GRM5: variants seen among roughly 807,000 people sequenced by gnomAD.
The protein encoded by GRM5 is metabotropic glutamate receptor 5.
GRM5 carries 19 observed loss-of-function variants against 83.1 expected under a neutral mutation model. The observed-to-expected ratio is 0.23, with a 90% CI of 0.16 to 0.34. The LOEUF is 0.34. Among genes scored for constraint, GRM5 ranks in the 10% least tolerant of loss-of-function variants. The pLI, the probability that GRM5 is intolerant of heterozygous loss-of-function variation, is 1.00. For missense variants in GRM5, 1,160 were observed against 1,588.3 expected (o/e 0.73, Z 4.58); for synonymous variants, 675 against 633.6 (o/e 1.07, Z -0.98).
intron 3 of GRM5, among the ~76,000 whole-genome samples, chr11:88,833,975 C>T (rs974773623): frequency 6.6e-6 from 1 of 151,798 alleles, no homozygotes; most frequent in Non-Finnish European, 1.5e-5. Context: ...ATGGGTAGGG[C>T]GTAAATAAGA....
chr11:88,861,560 G>T (rs532173977), intron 2 of GRM5, among the ~76,000 whole-genome samples: 1 of 152,174 alleles, frequency 6.6e-6, no homozygotes, highest in Non-Finnish European at 1.5e-5. Flanking sequence ...CAACTTTCCA[G>T]GCTCAAGTGA....
At chr11:88,673,443 G>A (rs138255548) in intron 3 of GRM5, among the ~76,000 whole-genome samples, 5 of 151,896 alleles carry the variant, frequency 3.3e-5, no homozygotes, top group East Asian at 1.9e-4. Flanking sequence ...ACTTTGAAAC[G>A]CTTGTGAAAC....
chr11:88,741,441 T>A (rs1942026810), intron 3 of GRM5, among the ~76,000 whole-genome samples: 1 of 152,088 alleles, frequency 6.6e-6, no homozygotes, highest in African/African-American at 2.4e-5. Flanking sequence ...TCTGACATTC[T>A]TATTGCTTCT....
Position 88,621,196 on chromosome 11 carries a change from T to C in GRM5, c.1148-16232A>G, listed in dbSNP as rs57700751. Among the ~76,000 whole-genome samples the C allele has an allele frequency of 9.0e-3, 1,369 of 152,350 alleles. 16 individuals are homozygous for C. The highest frequency in any genetic ancestry group is 0.066 in the East Asian group (345 of 5,194). ...AACCATAGCATTAGAGTCTTCTTAC[T>C]ATACTAAGATCAAACTCCTAGACCA... On this transcript the variant is annotated intron_variant, in intron 4 of 9. Transcript: ENST00000305447.
At chr11:88,709,877 A>G (rs1941244798) in intron 3 of GRM5, among the ~76,000 whole-genome samples, 1 of 152,156 alleles carries the variant, frequency 6.6e-6, no homozygotes, top group Non-Finnish European at 1.5e-5. Context: ...ATAGGAAACA[A>G]CTGTGCCACT....
chr11:88,767,649 G>A lies in GRM5; in HGVS notation c.911+82257C>T, dbSNP rs962921892. Among the ~76,000 whole-genome samples, 11 of 151,986 alleles carry A rather than the reference G, an allele frequency of 7.2e-5. No homozygotes were observed. The Middle Eastern group carries it at 0.01, about 141-fold the overall frequency. On this transcript the variant is annotated intron_variant, in intron 3 of 9. Coordinates refer to ENST00000305447, the MANE Select transcript of GRM5 (RefSeq NM_001143831.3). ...CAAGAACACATGGATACTAGGAGGC[G>A]AACAACGGACATTGGGACCTACTTG...
At position 88,707,213 on chromosome 11, in the gene GRM5, A is replaced by T. The variant is rs1322117561; in HGVS notation, c.912-53810T>A. 6.6e-5 allele frequency among the ~76,000 whole-genome samples: 10 copies of T among 152,110 alleles called. 1 individual carries two copies. Among genetic ancestry groups the T allele is most frequent in the Admixed American group, 3.3e-4 (5 of 15,244 alleles). On this transcript the variant is annotated intron_variant, in intron 3 of 9. Coordinates refer to ENST00000305447, the MANE Select transcript of GRM5 (RefSeq NM_001143831.3). ...TACTTAACTGTGCTTCAGTTTCTTT[A>T]TCTGTAAAATATTACAGTAGCTATC...
chr11:88,678,852 TC>T (rs1188468992), intron 3 of GRM5, among the ~76,000 whole-genome samples: 1 of 151,146 alleles, frequency 6.6e-6, no homozygotes, highest in East Asian at 1.9e-4. Flanking sequence ...TAAATCAATA[TC>T]CCAGGAAGAA....
At chr11:88,814,383 C>A (rs1943634655) in intron 3 of GRM5, among the ~76,000 whole-genome samples, 1 of 152,078 alleles carries the variant, frequency 6.6e-6, no homozygotes, top group African/African-American at 2.4e-5. Context: ...TTTATCAGTA[C>A]CTGAATGTGA....
At chr11:88,675,422 TA>T (rs1940303325) in intron 3 of GRM5, among the ~76,000 whole-genome samples, 1 of 151,886 alleles carries the variant, frequency 6.6e-6, no homozygotes, top group Non-Finnish European at 1.5e-5. Flanking sequence ...TTTAAATGAG[TA>T]AGGATCTTTG....
At chr11:88,918,163 A>G (rs1316635810) in intron 2 of GRM5, among the ~76,000 whole-genome samples, 1 of 151,908 alleles carries the variant, frequency 6.6e-6, no homozygotes, top group Admixed American at 6.6e-5. Flanking sequence ...ACCAGGAGAG[A>G]GTGGCATGAC....
chr11:88,800,720 C>T (rs534170913), intron 3 of GRM5, among the ~76,000 whole-genome samples: 3 of 152,252 alleles, frequency 2.0e-5, no homozygotes, highest in East Asian at 3.9e-4. Context: ...TTAAGTCCCT[C>T]CTCTATCAGT....
intron 3 of GRM5, among the ~76,000 whole-genome samples, chr11:88,748,531 A>G (rs1942191569): frequency 6.6e-6 from 1 of 152,086 alleles, no homozygotes; most frequent in African/African-American, 2.4e-5. Flanking sequence ...TGTGGAGAAC[A>G]TAAGTGGTCT....
intron 7 of GRM5, among the ~76,000 whole-genome samples, chr11:88,572,963 C>T (rs1943034703): frequency 6.6e-6 from 1 of 152,018 alleles, no homozygotes; most frequent in Non-Finnish European, 1.5e-5. Flanking sequence ...AGCATATTGC[C>T]ATTTCTCTGG....
chr11:88,766,307 T>C (rs1331311873), intron 3 of GRM5, among the ~76,000 whole-genome samples: 3 of 151,952 alleles, frequency 2.0e-5, no homozygotes, highest in Non-Finnish European at 4.4e-5. Flanking sequence ...CTTCAAACTA[T>C]ACTACGGGGC....
At chr11:88,630,732 C>A (rs1488285140) in intron 4 of GRM5, among the ~76,000 whole-genome samples, 4 of 152,100 alleles carry the variant, frequency 2.6e-5, no homozygotes, top group Non-Finnish European at 4.4e-5. Context: ...GCATGCACCA[C>A]CATGACTGGC....
intron 4 of GRM5, among the ~76,000 whole-genome samples, chr11:88,634,685 C>G (rs1426502876): frequency 6.6e-6 from 1 of 152,072 alleles, no homozygotes; most frequent in Non-Finnish European, 1.5e-5. Flanking sequence ...TTACAGTTGA[C>G]TTTTTATTTC....
chr11:88,867,562 G>T (rs1944692804), intron 2 of GRM5, among the ~76,000 whole-genome samples: 1 of 151,644 alleles, frequency 6.6e-6, no homozygotes, highest in African/African-American at 2.4e-5. Context: ...AAATTCCTAT[G>T]TTGTAATCCT....
intron 3 of GRM5, among the ~76,000 whole-genome samples, chr11:88,654,590 C>A (rs752422519): frequency 9.9e-5 from 15 of 151,920 alleles, no homozygotes; most frequent in Non-Finnish European, 1.9e-4. Flanking sequence ...ACTAGAGCCT[C>A]CTAAATGCAA....
Sources: allele counts gnomAD v4.1 joint callset (sites outside exome capture counted in the v4.1 genomes callset), GRCh38; gene constraint gnomAD v4.1.1; transcripts MANE v1.5; gene names NCBI Gene and HGNC (gene_info 2026-07-23, HGNC 2026-07-21).